Variants in COL4A4 observed in about 807,000 individuals in gnomAD.
The protein encoded by COL4A4 is collagen alpha-4(IV) chain.
A neutral mutation model predicts 192.9 loss-of-function variants in COL4A4; 105 were observed. The ratio of observed to expected loss-of-function variants is 0.54; its 90% confidence interval spans 0.46 to 0.64. COL4A4 has a LOEUF of 0.64. COL4A4 is among the 30% of genes least tolerant of loss of function. The pLI, the probability that COL4A4 is intolerant of heterozygous loss-of-function variation, is 0.00. For missense variants in COL4A4, 1,967 were observed against 2,169.3 expected (o/e 0.91, Z 1.85); for synonymous variants, 762 against 769.9 (o/e 0.99, Z 0.17).
At chr2:227,068,250 C>G (rs2150365403) in intron 25 of COL4A4, among the ~76,000 whole-genome samples, 1 of 152,118 alleles carries the variant, frequency 6.6e-6, no homozygotes, top group South Asian at 2.1e-4. Flanking sequence ...AAAAAGGGTC[C>G]AGGACCAGAT....
At chr2:227,140,946 G>A (rs2063168293) in intron 3 of COL4A4, among the ~76,000 whole-genome samples, 1 of 148,386 alleles carries the variant, frequency 6.7e-6, no homozygotes, top group South Asian at 2.2e-4. Flanking sequence ...TCAGCTCCTT[G>A]TTCTCATGAA....
chr2:227,139,283 C>T lies in COL4A4; in HGVS notation c.192+878G>A, dbSNP rs1383004882. ...AGTCTATGGTATTCTGTTACAGCAG[C>T]GAGAATGGATGAGGACACATTTCAA... is the stretch of plus-strand genomic sequence containing the variant. On this transcript the variant is annotated intron_variant, in intron 4 of 47. Transcript: ENST00000396625. Among the ~76,000 whole-genome samples the T allele has an allele frequency of 2.6e-5, 4 of 152,126 alleles. No homozygotes were observed. The South Asian group carries it at 6.2e-4, about 24-fold the overall frequency.
intron 29 of COL4A4, 103 bp downstream of exon 29, chr2:227,057,336 T>C (rs1975672184): frequency 4.5e-6 from 6 of 1,336,610 alleles, no homozygotes; most frequent in Admixed American, 2.0e-5. Flanking sequence ...TGTCTCTGAC[T>C]CAGGACTCTT....
At chr2:227,037,389 T>A (rs1969898979) in intron 37 of COL4A4, among the ~76,000 whole-genome samples, 1 of 152,212 alleles carries the variant, frequency 6.6e-6, no homozygotes, top group Non-Finnish European at 1.5e-5. Context: ...TTCAGCTTCA[T>A]CCATGTCCCT....
chr2:227,044,498 C>T (rs959362282), intron 35 of COL4A4, among the ~76,000 whole-genome samples: 1 of 152,256 alleles, frequency 6.6e-6, no homozygotes, highest in Non-Finnish European at 1.5e-5. Context: ...TAGTCTGTAC[C>T]TGTTCCCTGA....
the COL4A4 span, among the ~76,000 whole-genome samples, chr2:226,987,094 G>A: frequency 2.6e-4 from 39 of 152,250 alleles, no homozygotes; most frequent in African/African-American, 7.5e-4. Flanking sequence ...ACCAAACACC[G>A]CATGTTCTCG....
the COL4A4 span, among the ~76,000 whole-genome samples, chr2:226,969,764 T>C: frequency 1.3e-5 from 2 of 152,246 alleles, no homozygotes; most frequent in African/African-American, 4.8e-5. Context: ...ATTTTTTAAA[T>C]GTGATTTCAT....
Position 227,108,578 on chromosome 2 carries a change from TA to T in COL4A4, c.735+2del. ...GCTCCTCAGAGCAAGAGGGAATTCT[TA>T]CCGGGTCTCCCATTTGCCCCTTTAC... On this transcript the variant is annotated splice_donor_variant, in intron 12 of 47. Transcript: ENST00000396625. LOFTEE classifies it high-confidence loss of function. The T allele has an allele frequency of 6.2e-7, 1 of 1,613,782 alleles. No homozygotes were observed. The highest frequency in any genetic ancestry group is 1.1e-5 in the South Asian group (1 of 91,062).
intron 34 of COL4A4, 94 bp from the exon 35 acceptor site, chr2:227,047,643 T>C (rs148062267): frequency 1.5e-5 from 12 of 790,138 alleles, no homozygotes; most frequent in Middle Eastern, 4.9e-4. Flanking sequence ...GTATAGCTTA[T>C]CTTCAGATAT....
chr2:226,970,336 G>A, the COL4A4 span, among the ~76,000 whole-genome samples: 24 of 152,118 alleles, frequency 1.6e-4, no homozygotes, highest in African/African-American at 5.5e-4. Context: ...AGAAGACGGT[G>A]TCTGCTTAGA....
At chr2:226,987,788 C>A in the COL4A4 span, among the ~76,000 whole-genome samples, 1 of 152,228 alleles carries the variant, frequency 6.6e-6, no homozygotes, top group African/African-American at 2.4e-5. Context: ...TTATCTGCAA[C>A]AGAGTCATCT....
chr2:227,119,147 T>C (rs2061643727), intron 6 of COL4A4, among the ~76,000 whole-genome samples: 2 of 152,032 alleles, frequency 1.3e-5, no homozygotes, highest in South Asian at 4.1e-4. Context: ...AAAACATTCC[T>C]TATGAGTATG....
chr2:227,060,116 A>AAAAAAC lies in COL4A4; in HGVS notation c.2164+19_2164+20insGTTTTT, dbSNP rs1553644237. On this transcript the variant is annotated intron_variant, in intron 27 of 47. Coordinates refer to ENST00000396625, the MANE Select transcript of COL4A4 (RefSeq NM_000092.5). ...TCCCAAAGCAGAAAAAAAAAAAAAA[A>AAAAAAC]AAAAAAAAACCTCACTGACCAGGTG... 32 of 1,330,140 alleles carry AAAAAAC rather than the reference A, an allele frequency of 2.4e-5. 1 individual carries two copies. The highest frequency in any genetic ancestry group is 3.3e-5 in the Non-Finnish European group (32 of 957,438). The allele number at this position is 1,330,140 out of a possible 1,614,324, so 82.4% of individuals were successfully genotyped here. A position where few individuals can be genotyped will look rare whatever the true frequency, so the allele number is the denominator to read the frequency against.
At chr2:227,009,717 AAGAGAAGAGAAGAGAAAAGAGAAGAGAAG>A (rs1478300471) in intron 46 of COL4A4, among the ~76,000 whole-genome samples, 793 of 49,496 alleles carry the variant, frequency 0.016, 3 homozygotes, top group Non-Finnish European at 0.025. Flanking sequence ...AAAAGAGGAA[AAGAGAAGAGAAGAGAAAAGAGAAGAGAAG>A]AGAGAAGAGA....
chr2:227,013,937 C>T (rs777518439), intron 44 of COL4A4, among the ~76,000 whole-genome samples: 8 of 152,064 alleles, frequency 5.3e-5, no homozygotes, highest in Non-Finnish European at 1.0e-4. Flanking sequence ...AGACGCTGAC[C>T]GAAACCCTCT....
At chr2:226,973,929 C>T in the COL4A4 span, among the ~76,000 whole-genome samples, 1 of 152,180 alleles carries the variant, frequency 6.6e-6, no homozygotes, top group Admixed American at 6.5e-5. Flanking sequence ...TTTTCGTTCG[C>T]ATGGGCTCTT....
chr2:227,028,293 A>G (rs1967448510), intron 41 of COL4A4, among the ~76,000 whole-genome samples: 1 of 152,216 alleles, frequency 6.6e-6, no homozygotes, highest in Admixed American at 6.5e-5. Flanking sequence ...TCTGGAGACA[A>G]AGGACTGGAA....
the COL4A4 span, among the ~76,000 whole-genome samples, chr2:226,971,688 C>A: frequency 6.6e-6 from 1 of 152,150 alleles, no homozygotes; most frequent in Non-Finnish European, 1.5e-5. Context: ...TTGACAAAAT[C>A]AGAGAGGTGT....
rs184741377 is a variant in COL4A4, at chr2:227,157,174, A to G, written c.-102+6833T>C. ...TGGTAAGCCATCTAGGAAAGTCCCA[A>G]ATATTTGGAAATTAAACAGCACACT... On this transcript the variant is annotated intron_variant, in intron 1 of 47. Coordinates refer to ENST00000396625, the MANE Select transcript of COL4A4 (RefSeq NM_000092.5). Among the ~76,000 whole-genome samples, 319 of 152,278 alleles carry G rather than the reference A, an allele frequency of 2.1e-3. 2 individuals carry two copies. Among genetic ancestry groups the G allele is most frequent in the African/African-American group, 7.3e-3 (302 of 41,574 alleles).
Sources: gnomAD v4.1 joint callset for allele counts (sites outside exome capture counted in the v4.1 genomes callset) on GRCh38, gnomAD v4.1.1 for gene constraint, MANE v1.5 for transcripts, NCBI Gene and HGNC (gene_info 2026-07-23, HGNC 2026-07-21) for gene names.